Variants in PARD3 observed in about 807,000 individuals in gnomAD.
PARD3 encodes partitioning defective 3 homolog.
Under a neutral mutation model 155.4 loss-of-function variants are expected in PARD3, and 75 were observed. That is an observed-to-expected ratio of 0.48 (90% CI 0.40 to 0.58). PARD3 has a LOEUF of 0.58. Among genes scored for constraint, PARD3 ranks in the 20% least tolerant of loss-of-function variants. PARD3 has a pLI of 0.00. For missense variants in PARD3, 1,642 were observed against 1,721.7 expected (o/e 0.95, Z 0.82); for synonymous variants, 576 against 610.5 (o/e 0.94, Z 0.83).
intron 20 of PARD3, among the ~76,000 whole-genome samples, chr10:34,303,065 GTT>G (rs753052907): frequency 0.025 from 1,732 of 69,678 alleles, 14 homozygotes; most frequent in Non-Finnish European, 0.03. Flanking sequence ...CCAAAACCAA[GTT>G]TTAAAAAAAA....
intron 22 of PARD3, among the ~76,000 whole-genome samples, chr10:34,250,947 A>T (rs901131904): frequency 6.6e-6 from 1 of 152,220 alleles, no homozygotes; most frequent in African/African-American, 2.4e-5. Context: ...GCTCTGAGAG[A>T]ATCTGACTCC....
chr10:34,262,616 A>T (rs1232730251), intron 22 of PARD3, among the ~76,000 whole-genome samples: 1 of 152,164 alleles, frequency 6.6e-6, no homozygotes, highest in African/African-American at 2.4e-5. Flanking sequence ...TCTAAGATAT[A>T]ACTTGATGTA....
chr10:34,799,685 G>C (rs1410046102), intron 1 of PARD3, among the ~76,000 whole-genome samples: 1 of 152,136 alleles, frequency 6.6e-6, no homozygotes. Context: ...TCTGAAGTTA[G>C]AGTCTGCCAA....
At chr10:34,192,413 T>A (rs757808067) in intron 22 of PARD3, among the ~76,000 whole-genome samples, 12 of 152,208 alleles carry the variant, frequency 7.9e-5, no homozygotes, top group Non-Finnish European at 1.6e-4. Context: ...TGTTTTTCTA[T>A]CTGCCCTTTT....
intron 16 of PARD3, 80 bp from the exon 17 acceptor site, chr10:34,337,506 G>C: frequency 2.6e-6 from 2 of 770,018 alleles, no homozygotes; most frequent in Non-Finnish European, 3.8e-6. Context: ...ATACATACCT[G>C]CAAGTGTAAA....
chr10:34,672,009 T>C (rs1255412644), intron 2 of PARD3, among the ~76,000 whole-genome samples: 1 of 151,888 alleles, frequency 6.6e-6, no homozygotes, highest in Non-Finnish European at 1.5e-5. Flanking sequence ...ACCCCATCTG[T>C]ACAAAAAGTG....
chr10:34,462,580 C>A (rs1306316706), intron 4 of PARD3, among the ~76,000 whole-genome samples: 1 of 152,072 alleles, frequency 6.6e-6, no homozygotes, highest in East Asian at 1.9e-4. Context: ...CGCAGTGGCT[C>A]AGGCCTGTAA....
intron 2 of PARD3, among the ~76,000 whole-genome samples, chr10:34,536,106 G>A (rs1248929436): frequency 6.6e-6 from 1 of 151,996 alleles, no homozygotes; most frequent in African/African-American, 2.4e-5. Flanking sequence ...CAAAACTCTC[G>A]TTGAAAGACT....
chr10:34,283,687 A>G (rs1310929459), intron 21 of PARD3, among the ~76,000 whole-genome samples: 1 of 152,130 alleles, frequency 6.6e-6, no homozygotes, highest in East Asian at 1.9e-4. Context: ...AACATAATGA[A>G]TAACAGCCTC....
intron 2 of PARD3, among the ~76,000 whole-genome samples, chr10:34,565,260 CT>C (rs59606413): frequency 0.017 from 654 of 39,614 alleles, 1 homozygote; most frequent in African/African-American, 0.067. Flanking sequence ...AGGAGCAAGG[CT>C]TTTTTTTTTT....
At chr10:34,509,733 T>C (rs891033669) in intron 3 of PARD3, among the ~76,000 whole-genome samples, 1 of 152,174 alleles carries the variant, frequency 6.6e-6, no homozygotes, top group African/African-American at 2.4e-5. Flanking sequence ...GTGTCCTGAA[T>C]AGCTCTTCTG....
chr10:34,410,178 C>T (rs761098490), intron 5 of PARD3, among the ~76,000 whole-genome samples: 14 of 152,164 alleles, frequency 9.2e-5, no homozygotes, highest in Non-Finnish European at 1.8e-4. Flanking sequence ...AAGTGTCCTT[C>T]ATCTTCTATG....
chr10:34,578,299 T>A (rs1319369602), intron 2 of PARD3, among the ~76,000 whole-genome samples: 1 of 152,176 alleles, frequency 6.6e-6, no homozygotes, highest in African/African-American at 2.4e-5. Flanking sequence ...ATGCCTAGTG[T>A]TCCATTACTG....
chr10:34,758,781 C>T (rs187832236), intron 1 of PARD3, among the ~76,000 whole-genome samples: 216 of 152,316 alleles, frequency 1.4e-3, no homozygotes, highest in Non-Finnish European at 2.0e-3. Flanking sequence ...TCCAAGCCCA[C>T]CCTGTGAAAG....
Position 34,382,857 on chromosome 10 carries a change from G to A in PARD3, c.1082C>T (p.Ala361Val). Reference protein sequence around the residue: ...PIIWFHVVPAANKEQYEQLSQ... With the variant: ...PIIWFHVVPAVNKEQYEQLSQ... ...TAGTTGTTCATACTGCTCTTTATTT[G>A]CTGCAGGAACCACATGGAACCAAAT... Residue 361 changes from alanine to valine, a missense_variant, in exon 9 of 25, where the codon GCA becomes GTA. This residue lies in a region of PARD3 where 1,529 missense variants were observed against 1,587.3 expected (regional missense o/e 0.96). Coordinates refer to ENST00000374788, the MANE Select transcript of PARD3 (RefSeq NM_001184785.2). The A allele has an allele frequency of 1.2e-6, 2 of 1,614,074 alleles. No individual in the cohort carries two copies. The highest frequency in any genetic ancestry group is 1.7e-6 in the Non-Finnish European group (2 of 1,180,002).
At chr10:34,473,244 C>A (rs1447227146) in intron 3 of PARD3, among the ~76,000 whole-genome samples, 1 of 152,162 alleles carries the variant, frequency 6.6e-6, no homozygotes, top group Non-Finnish European at 1.5e-5. Context: ...AAAATAAATA[C>A]AGTCTGGATC....
At chr10:34,327,890 T>C (rs1386309050) in intron 19 of PARD3, among the ~76,000 whole-genome samples, 1 of 152,066 alleles carries the variant, frequency 6.6e-6, no homozygotes, top group Non-Finnish European at 1.5e-5. Flanking sequence ...ATAGAAGATG[T>C]TGGACATGCA....
chr10:34,732,965 G>A (rs1564558770), intron 1 of PARD3, among the ~76,000 whole-genome samples: 1 of 152,108 alleles, frequency 6.6e-6, no homozygotes, highest in Non-Finnish European at 1.5e-5. Context: ...CCACGGAGGA[G>A]CTCCTCTATG....
At chr10:34,688,434 C>T (rs1278446767) in intron 2 of PARD3, among the ~76,000 whole-genome samples, 1 of 152,200 alleles carries the variant, frequency 6.6e-6, no homozygotes, top group Non-Finnish European at 1.5e-5. Context: ...CGCATGACAG[C>T]TGCTCTAAAT....
Sources: gnomAD v4.1 joint callset for allele counts (sites outside exome capture counted in the v4.1 genomes callset) on GRCh38, gnomAD v4.1.1 for gene constraint, gnomAD v4.1.1 regional missense constraint, MANE v1.5 for transcripts, NCBI Gene and HGNC (gene_info 2026-07-23, HGNC 2026-07-21) for gene names.